Variants in CLEC2A observed in about 807,000 individuals in gnomAD.
CLEC2A encodes keratinocyte-associated C-type lectin.
A neutral mutation model predicts 18.6 loss-of-function variants in CLEC2A; 19 were observed. The ratio of observed to expected loss-of-function variants is 1.02; its 90% confidence interval spans 0.71 to 1.50. The LOEUF is 1.50. Ranked by LOEUF, CLEC2A falls within the 40% of genes most tolerant of loss-of-function variation. CLEC2A has a pLI of 0.00. For synonymous variants in CLEC2A, 74 were observed against 64.0 expected (o/e 1.16, Z -0.75); for missense variants, 190 against 207.9 (o/e 0.91, Z 0.53).
At chr12:9,887,345 C>A in the CLEC2A span, among the ~76,000 whole-genome samples, 2 of 151,972 alleles carry the variant, frequency 1.3e-5, no homozygotes, top group African/African-American at 2.4e-5. Context: ...AAAATATAAT[C>A]CTAAAGGGTT....
intron 3 of CLEC2A, among the ~76,000 whole-genome samples, chr12:9,917,655 T>C (rs1024312830): frequency 4.6e-5 from 7 of 152,244 alleles, no homozygotes; most frequent in Non-Finnish European, 1.0e-4. Context: ...ATTGTTGTTC[T>C]GGTTTTAGCT....
intron 4 of CLEC2A, among the ~76,000 whole-genome samples, chr12:9,902,965 C>T (rs938042757): frequency 1.3e-5 from 2 of 151,936 alleles, no homozygotes; most frequent in African/African-American, 2.4e-5. Context: ...CTGTGGAGCA[C>T]GAGAAGGCTA....
chr12:9,894,150 C>CTCTT (rs774385146), downstream of CLEC2A, among the ~76,000 whole-genome samples: 3 of 147,640 alleles, frequency 2.0e-5, no homozygotes, highest in Non-Finnish European at 4.5e-5. Flanking sequence ...CTCTCTCTCT[C>CTCTT]TCTCCCTCCC....
In CLEC2A at chr12:9,922,128, T is replaced by C; in HGVS notation, c.244A>G (p.Ser82Gly). The change falls in exon 3 of 5, where the codon AGT becomes GGT. Residue 82 changes from serine to glycine, a missense_variant. Coordinates refer to ENST00000455827, the MANE Select transcript of CLEC2A (RefSeq NM_001130711.2). ...TTCTGCAAACTACAAAATATTTTAC[T>C]GGCTGTCCAATTTCTGGTATCATCA... The part of the protein sequence containing the change: ...FSDDTRNWTA[S>G]KIFCSLQKAE... 6.4e-7 allele frequency: 1 copy of C among 1,551,308 alleles called. No homozygotes were observed. Among genetic ancestry groups the C allele is most frequent in the South Asian group, 1.2e-5 (1 of 83,992 alleles).
downstream of CLEC2A, chr12:9,895,684 CTT>C (rs940382605): frequency 6.6e-7 from 1 of 1,520,884 alleles, no homozygotes; most frequent in African/African-American, 1.4e-5. Context: ...TCCTTTGTCT[CTT>C]AGGTTTTCAG....
intron 4 of CLEC2A, among the ~76,000 whole-genome samples, chr12:9,901,616 A>G (rs988242265): frequency 2.0e-5 from 3 of 152,106 alleles, no homozygotes; most frequent in African/African-American, 7.2e-5. Context: ...TTTTCTGGAC[A>G]CTGTAGGGGC....
chr12:9,912,073 G>A (rs1363525884), downstream of CLEC2A, among the ~76,000 whole-genome samples: 1 of 151,420 alleles, frequency 6.6e-6, no homozygotes, highest in Non-Finnish European at 1.5e-5. Context: ...TTGTAAAAAT[G>A]TCCTCTAAAA....
downstream of CLEC2A, among the ~76,000 whole-genome samples, chr12:9,897,574 G>A (rs79176985): frequency 3.4e-5 from 5 of 148,996 alleles, no homozygotes; most frequent in Non-Finnish European, 7.4e-5. Context: ...AAAAAAAAAA[G>A]CCAGGGGAGA....
chr12:9,916,854 T>A, intron 3 of CLEC2A, 51 bp from the exon 4 acceptor site: 1 of 1,028,482 alleles, frequency 9.7e-7, no homozygotes, highest in South Asian at 1.4e-5. Context: ...TACAGCACAT[T>A]GCTGAACATG....
chr12:9,925,227 A>C (rs185064280), intron 2 of CLEC2A, among the ~76,000 whole-genome samples: 5 of 152,320 alleles, frequency 3.3e-5, no homozygotes, highest in Admixed American at 3.3e-4. Context: ...TGTCAATTTC[A>C]TTCTCAGGCC....
intron 4 of CLEC2A, among the ~76,000 whole-genome samples, chr12:9,902,303 G>T (rs1017707609): frequency 2.0e-5 from 3 of 148,192 alleles, no homozygotes; most frequent in Non-Finnish European, 3.0e-5. Context: ...ACACAATCTC[G>T]GCTGACTGCA....
At chr12:9,916,042 A>T (rs1037028332) in intron 4 of CLEC2A, among the ~76,000 whole-genome samples, 3 of 151,880 alleles carry the variant, frequency 2.0e-5, no homozygotes, top group Non-Finnish European at 4.4e-5. Flanking sequence ...AGAAACAATT[A>T]TATAAATAAA....
downstream of CLEC2A, chr12:9,895,802 T>A (rs988175473): frequency 9.5e-5 from 146 of 1,535,322 alleles, 1 homozygote; most frequent in Non-Finnish European, 1.2e-4. Context: ...AGAGATGCGA[T>A]CTTGACGCAC....
At chr12:9,927,193 C>T (rs1480395252) in intron 1 of CLEC2A, among the ~76,000 whole-genome samples, 1 of 152,180 alleles carries the variant, frequency 6.6e-6, no homozygotes, top group Non-Finnish European at 1.5e-5. Flanking sequence ...CTATATATTA[C>T]AGACTGTTGC....
the CLEC2A span, among the ~76,000 whole-genome samples, chr12:9,891,723 C>CATGTATTAATGAGTTAAGAATATAT: frequency 6.6e-6 from 1 of 152,202 alleles, no homozygotes; most frequent in Admixed American, 6.5e-5. Context: ...CCGGATACAG[C>CATGTATTAATGAGTTAAGAATATAT]ATGTATTAAT....
At chr12:9,882,607 G>A in the CLEC2A span, among the ~76,000 whole-genome samples, 2 of 151,894 alleles carry the variant, frequency 1.3e-5, no homozygotes, top group Non-Finnish European at 1.5e-5. Flanking sequence ...GTGAAACCCC[G>A]TCTCTACTAA....
chr12:9,888,894 A>C, the CLEC2A span: 1 of 579,598 alleles, frequency 1.7e-6, no homozygotes, highest in Non-Finnish European at 3.1e-6. Context: ...TGGTGGAGAA[A>C]GGTATGGGGC....
At chr12:9,918,070 T>C (rs1026042307) in intron 3 of CLEC2A, among the ~76,000 whole-genome samples, 8 of 152,212 alleles carry the variant, frequency 5.3e-5, no homozygotes, top group Non-Finnish European at 1.0e-4. Flanking sequence ...TGTTAATAGT[T>C]TCTTTTGCTG....
intron 1 of CLEC2A, 90 bp from the exon 2 acceptor site, chr12:9,926,433 A>C: frequency 1.3e-6 from 1 of 797,430 alleles, no homozygotes; most frequent in East Asian, 2.7e-5. Context: ...ATAATTGTTA[A>C]TCAGGAAACC....
Sources: allele counts gnomAD v4.1 joint callset (sites outside exome capture counted in the v4.1 genomes callset), GRCh38; gene constraint gnomAD v4.1.1; transcripts MANE v1.5; gene names NCBI Gene and HGNC (gene_info 2026-07-23, HGNC 2026-07-21).